Variants in PCSK5 observed in about 807,000 individuals in gnomAD.
PCSK5 encodes proprotein convertase subtilisin/kexin type 5, also known as prohormone convertase 5.
Under a neutral mutation model 233.2 loss-of-function variants are expected in PCSK5, and 129 were observed. The observed-to-expected ratio is 0.55, with a 90% CI of 0.48 to 0.64. The LOEUF is 0.64. Among genes scored for constraint, PCSK5 ranks in the 30% least tolerant of loss-of-function variants. The pLI is 0.00. For missense variants in PCSK5, 2,076 were observed against 2,430.1 expected, an observed-to-expected ratio of 0.85 and a Z score of 3.06; for synonymous variants, 825 against 879.2, an observed-to-expected ratio of 0.94 and a Z score of 1.09.
intron 9 of PCSK5, among the ~76,000 whole-genome samples, chr9:76,112,789 T>C (rs866220496): frequency 1.1e-4 from 16 of 151,964 alleles, no homozygotes; most frequent in Admixed American, 8.5e-4. Context: ...CTAACAGATA[T>C]ATGCAAATTA....
At chr9:75,999,051 C>T (rs1563963830) in intron 3 of PCSK5, among the ~76,000 whole-genome samples, 1 of 152,030 alleles carries the variant, frequency 6.6e-6, no homozygotes, top group Non-Finnish European at 1.5e-5. Context: ...TGATGTGCCT[C>T]TTATTTATTT....
At chr9:75,952,187 A>G (rs1824891780) in intron 2 of PCSK5, among the ~76,000 whole-genome samples, 1 of 152,180 alleles carries the variant, frequency 6.6e-6, no homozygotes, top group African/African-American at 2.4e-5. Context: ...ATACTTCAGC[A>G]TGCATGTCAT....
At chr9:75,972,323 G>A (rs1349903733) in intron 2 of PCSK5, among the ~76,000 whole-genome samples, 1 of 152,144 alleles carries the variant, frequency 6.6e-6, no homozygotes, top group Non-Finnish European at 1.5e-5. Flanking sequence ...GATGCCTCCA[G>A]CATTGTTCTT....
At chr9:76,350,635 G>C (rs1830096563) in intron 35 of PCSK5, among the ~76,000 whole-genome samples, 193 bp from the exon 36 acceptor site, 1 of 152,180 alleles carries the variant, frequency 6.6e-6, no homozygotes, top group South Asian at 2.1e-4. Flanking sequence ...TTCAGACTGA[G>C]AGTCTACATA....
At chr9:75,913,913 A>G (rs188273051) in intron 1 of PCSK5, among the ~76,000 whole-genome samples, 144 of 152,250 alleles carry the variant, frequency 9.5e-4, no homozygotes, top group African/African-American at 3.2e-3. Flanking sequence ...TCTATCTCAA[A>G]CTTTGCAAGG....
intron 3 of PCSK5, among the ~76,000 whole-genome samples, chr9:76,018,483 T>C (rs1488000877): frequency 1.3e-5 from 2 of 151,670 alleles, no homozygotes; most frequent in African/African-American, 4.9e-5. Context: ...GCACCAACCC[T>C]ATTGTGAACT....
intron 2 of PCSK5, among the ~76,000 whole-genome samples, chr9:75,976,862 T>C (rs1826046597): frequency 1.3e-5 from 2 of 152,160 alleles, no homozygotes; most frequent in Non-Finnish European, 2.9e-5. Flanking sequence ...GGCACCTTTT[T>C]TCCACTTAGC....
chr9:76,115,461 C>T (rs755930823), intron 9 of PCSK5, among the ~76,000 whole-genome samples: 2 of 152,002 alleles, frequency 1.3e-5, no homozygotes, highest in Non-Finnish European at 2.9e-5. Context: ...TGCAGTTACC[C>T]GATAAGATTG....
intron 35 of PCSK5, among the ~76,000 whole-genome samples, chr9:76,343,959 A>G (rs1829907719): frequency 6.6e-6 from 1 of 152,086 alleles, no homozygotes; most frequent in Admixed American, 6.6e-5. Context: ...AAAAAAAAGT[A>G]TAATTAATTT....
chr9:75,917,547 A>C (rs1028011622), intron 1 of PCSK5, among the ~76,000 whole-genome samples: 12 of 152,254 alleles, frequency 7.9e-5, no homozygotes, highest in Non-Finnish European at 1.6e-4. Context: ...CTCAAAGAGT[A>C]GATGGTTCAT....
rs748096302 is a variant in PCSK5, at chr9:76,321,557, CG to C, written c.4021del (p.Glu1341ArgfsTer6). 3 of 1,612,666 alleles carry C rather than the reference CG, an allele frequency of 1.9e-6. No homozygotes were observed. Among genetic ancestry groups the C allele is most frequent in the Non-Finnish European group, 2.5e-6 (3 of 1,179,700 alleles). Reference protein sequence around the residue: ...HHGVCQENCPERHVAVKGVCK... With the variant: ...HHGVCQENCPXRHVAVKGVCK... ...ACGGAGTGTGCCAGGAAAACTGCCC[CG>C]AGAGGCACGTGGCTGTGAAGGGGGT... On this transcript the variant is annotated frameshift_variant, in exon 31 of 38. Transcript: ENST00000674117. LOFTEE classifies it high-confidence loss of function.
At chr9:76,282,203 A>G (rs1377206466) in intron 24 of PCSK5, among the ~76,000 whole-genome samples, 1 of 122,434 alleles carries the variant, frequency 8.2e-6, no homozygotes, top group Non-Finnish European at 1.6e-5. Context: ...CTGCAGCCTC[A>G]AACTCCTGGG....
At chr9:76,191,172 G>A (rs1306913278) in intron 20 of PCSK5, among the ~76,000 whole-genome samples, 1 of 152,024 alleles carries the variant, frequency 6.6e-6, no homozygotes, top group Non-Finnish European at 1.5e-5. Context: ...TTAAACTATT[G>A]TTGTTCAAAA....
chr9:76,242,745 GGCAT>G (rs1826468884), intron 24 of PCSK5, among the ~76,000 whole-genome samples: 1 of 152,144 alleles, frequency 6.6e-6, no homozygotes, highest in Admixed American at 6.6e-5. Context: ...GGTCTTCTCT[GGCAT>G]CTTTGCTGTT....
At chr9:75,952,437 G>A (rs1430223818) in intron 2 of PCSK5, among the ~76,000 whole-genome samples, 1 of 152,072 alleles carries the variant, frequency 6.6e-6, no homozygotes, top group Non-Finnish European at 1.5e-5. Flanking sequence ...GTTTTGAATG[G>A]CATACTTTTT....
intron 10 of PCSK5, among the ~76,000 whole-genome samples, chr9:76,153,682 C>T (rs1339941277): frequency 2.6e-5 from 4 of 152,160 alleles, no homozygotes; most frequent in East Asian, 1.9e-4. Flanking sequence ...AAATTTCAAA[C>T]GTTAAGGGTG....
intron 5 of PCSK5, among the ~76,000 whole-genome samples, chr9:76,053,018 A>C (rs1281911122): frequency 6.6e-6 from 1 of 152,210 alleles, no homozygotes; most frequent in East Asian, 1.9e-4. Context: ...CTGATGCAAG[A>C]GGTGGGCTCC....
At chr9:76,011,530 G>A (rs376631655) in intron 3 of PCSK5, among the ~76,000 whole-genome samples, 6 of 152,316 alleles carry the variant, frequency 3.9e-5, no homozygotes, top group African/African-American at 9.6e-5. Context: ...TTTGCTGATT[G>A]TCAGAAGTGA....
In PCSK5 at chr9:76,346,575, T is replaced by C. The variant is rs77767087; in HGVS notation, c.4967-4253T>C. On this transcript the variant is annotated intron_variant, in intron 35 of 37. Coordinates refer to ENST00000674117, the MANE Select transcript of PCSK5 (RefSeq NM_001372043.1). Reference sequence around the variant, plus strand: ...GCTATCATTATTTTTTTAATTTTAATTTTTTATTTAATGTTATTTTTTCAT... The same window carrying C: ...GCTATCATTATTTTTTTAATTTTAACTTTTTATTTAATGTTATTTTTTCAT... Among the ~76,000 whole-genome samples, 429 of 152,228 alleles carry C rather than the reference T, an allele frequency of 2.8e-3. 6 individuals carry two copies. The highest frequency in any genetic ancestry group is 8.3e-3 in the East Asian group (43 of 5,190).
Sources: gnomAD v4.1 joint callset for allele counts (sites outside exome capture counted in the v4.1 genomes callset) on GRCh38, gnomAD v4.1.1 for gene constraint, MANE v1.5 for transcripts, NCBI Gene and HGNC (gene_info 2026-07-23, HGNC 2026-07-21) for gene names.